RFX2: variants seen among roughly 807,000 people sequenced by gnomAD.
RFX2 encodes regulatory factor X2, also known as DNA-binding protein RFX2.
RFX2 carries 20 observed loss-of-function variants against 87.8 expected under a neutral mutation model. The observed-to-expected ratio is 0.23, with a 90% confidence interval of 0.16 to 0.33. RFX2 has a LOEUF of 0.33. Among genes scored for constraint, RFX2 ranks in the 10% least tolerant of loss-of-function variants. The probability of loss-of-function intolerance (pLI) is 1.00; values close to 1 mark genes in which losing one functional copy is unlikely to be tolerated. For synonymous variants in RFX2, 397 were observed against 431.3 expected, an observed-to-expected ratio of 0.92 and a Z score of 0.98; for missense variants, 767 against 1,012.3, an observed-to-expected ratio of 0.76 and a Z score of 3.29.
Position 5,997,266 on chromosome 19 carries a change from G to A in RFX2, c.1860-53C>T, listed in dbSNP as rs541592870. 1.3e-6 allele frequency: 2 copies of A among 1,545,622 alleles called. No homozygotes were observed. Among genetic ancestry groups the A allele is most frequent in the South Asian group, 2.4e-5 (2 of 84,914 alleles). ...ACCCTCAGGGGAGCATGGAACCCGG[G>A]CCCCAGGCCAGACTTCATGGCAGCA... On this transcript the variant is annotated intron_variant, in intron 15 of 17. Transcript: ENST00000303657. This position sits in a 1 kb window ranked among gnomAD's most constrained non-coding sequence, Gnocchi z 4.2.
chr19:6,008,304 G>C (rs2086614270), intron 9 of RFX2, 80 bp from the exon 10 acceptor site: 1 of 786,776 alleles, frequency 1.3e-6, no homozygotes, highest in Non-Finnish European at 2.0e-6. Context: ...CGGTGGATGG[G>C]GGCCCAGAAA....
chr19:6,006,991 G>C (rs1201273348), intron 12 of RFX2, 21 bp downstream of exon 12: 1 of 1,612,640 alleles, frequency 6.2e-7, no homozygotes, highest in South Asian at 1.1e-5. Context: ...GCAGCGCCGG[G>C]CGGGGCCGTG....
chr19:6,013,005 G>A lies in RFX2; in HGVS notation c.880C>T (p.Pro294Ser). The A allele has an allele frequency of 6.4e-7, 1 of 1,574,556 alleles. No individual in the cohort carries two copies. Among genetic ancestry groups the A allele is most frequent in the South Asian group, 1.2e-5 (1 of 85,864 alleles). The change falls in exon 8 of 18, where the codon CCC becomes TCC. Residue 294 changes from proline to serine, a missense_variant. By Grantham distance (74) the Pro-to-Ser change is moderately conservative. Transcript: ENST00000303657. This position sits in a 1 kb window ranked among gnomAD's most constrained non-coding sequence, Gnocchi z 4.1. The part of the protein sequence containing the change: ...DTQYMAMRQQ[P>S]MHQKPRYRPA... ...ACCCACCTGGGCTTCTGGTGCATGG[G>A]CTGCTGCCGCATGGCCATGTACTGC...
chr19:6,029,134 C>T (rs1003786933), intron 5 of RFX2, among the ~76,000 whole-genome samples: 4 of 149,478 alleles, frequency 2.7e-5, no homozygotes, highest in Non-Finnish European at 4.4e-5. Flanking sequence ...ATGAAACAAA[C>T]GATCAACAAC....
At chr19:5,996,231 A>C (rs2086405015) in intron 16 of RFX2, among the ~76,000 whole-genome samples, 1 of 43,760 alleles carries the variant, frequency 2.3e-5, no homozygotes, top group Non-Finnish European at 4.6e-5. Context: ...GTGGACCCCG[A>C]AGAACTGAAC....
intron 1 of RFX2, among the ~76,000 whole-genome samples, chr19:6,104,961 TACA>T (rs2088190711): frequency 6.6e-6 from 1 of 151,496 alleles, no homozygotes; most frequent in African/African-American, 2.4e-5. Context: ...CTACTAAAAA[TACA>T]ACAATTAGCT....
rs1335713972 is a variant in RFX2 at position 6,040,017 on chromosome 19, T to C, written c.485A>G (p.His162Arg). 1 of 1,601,008 alleles carries C rather than the reference T, an allele frequency of 6.2e-7. No homozygotes were observed. ...TGAGCGGGAGGTGTGGGCCAGGGAG[T>C]GTCTGGTGCTGTCCATCCCCCCGTG... ...LIHGGMDSTRHSLAHTSRSSP... is the reference protein window; with the variant it reads ...LIHGGMDSTRRSLAHTSRSSP... Residue 162 changes from histidine (H) to arginine (R), a missense_variant, in exon 5 of 18, where the codon CAC becomes CGC. By Grantham distance (29) the His-to-Arg change is conservative (BLOSUM62 0). This residue lies in a region of RFX2 where 621 missense variants were observed against 873.0 expected (regional missense o/e 0.71). Transcript: ENST00000303657. This position sits in a 1 kb window ranked among gnomAD's most constrained non-coding sequence, Gnocchi z 6.1.
chr19:6,015,305 G>A (rs575186817), intron 7 of RFX2, among the ~76,000 whole-genome samples: 7 of 151,836 alleles, frequency 4.6e-5, no homozygotes, highest in African/African-American at 1.4e-4. Context: ...GTGGGGGCCC[G>A]TAAATCCCAG....
intron 9 of RFX2, among the ~76,000 whole-genome samples, chr19:6,008,750 T>A (rs2086623379): frequency 6.6e-6 from 1 of 150,694 alleles, no homozygotes; most frequent in Non-Finnish European, 1.5e-5. Flanking sequence ...CGATCTTGGC[T>A]TACTGCAACC....
At position 6,067,750 on chromosome 19, in the gene RFX2, A is replaced by C. The variant is rs543274986; in HGVS notation, c.-8-20246T>G. On this transcript the variant is annotated intron_variant, in intron 1 of 17. Transcript: ENST00000303657. ...TTGGTGGGCCCAGCCAAGGATCTTAAAACATTTTGATAGAATGAGCAACAT... is the reference window on the plus strand; with the variant it reads ...TTGGTGGGCCCAGCCAAGGATCTTACAACATTTTGATAGAATGAGCAACAT... Among the ~76,000 whole-genome samples, 6 of 152,302 alleles carry C rather than the reference A, an allele frequency of 3.9e-5. No individual in the cohort carries two copies. In the East Asian group the frequency reaches 1.2e-3, roughly 29 times the overall value.
rs2086886892 is a variant in RFX2, at chr19:6,026,212, T to C, written c.548A>G (p.Gln183Arg). 4 of 1,613,924 alleles carry C rather than the reference T, an allele frequency of 2.5e-6. No homozygotes were observed. The highest frequency in any genetic ancestry group is 3.4e-6 in the Non-Finnish European group (4 of 1,179,984). ...ATLEMAIENLQKSEGITSHKS... is the reference protein window; with the variant it reads ...ATLEMAIENLRKSEGITSHKS... ...GTGTGATGTGATTCCTTCGCTTTTTTGGAGGTTTTCAATCGCCATTTCAAG... is the reference window on the plus strand; with the variant it reads ...GTGTGATGTGATTCCTTCGCTTTTTCGGAGGTTTTCAATCGCCATTTCAAG... The change falls in exon 6 of 18, where the codon CAA becomes CGA. Residue 183 changes from glutamine (Q) to arginine (R), a missense_variant. Transcript: ENST00000303657. This position sits in a 1 kb window ranked among gnomAD's most constrained non-coding sequence, Gnocchi z 4.5.
Position 6,007,962 on chromosome 19 carries a change from G to A in RFX2, c.1134+144C>T, listed in dbSNP as rs751672693. 8 of 788,918 alleles carry A rather than the reference G, an allele frequency of 1.0e-5. No homozygotes were observed. Among genetic ancestry groups the A allele is most frequent in the Admixed American group, 6.1e-5 (3 of 49,126 alleles). The allele number at this position is 788,918 out of a possible 1,614,324, so 48.9% of individuals were successfully genotyped here. Reference sequence around the variant, plus strand: ...AGGAGCAGGCGATGGACATGGATGCGGAGGGGCTGCTGCTTCAGAGAGGAT... The same window carrying A: ...AGGAGCAGGCGATGGACATGGATGCAGAGGGGCTGCTGCTTCAGAGAGGAT... On this transcript the variant is annotated intron_variant, in intron 10 of 17. Coordinates refer to ENST00000303657, the MANE Select transcript of RFX2 (RefSeq NM_000635.4). This position sits in a 1 kb window ranked among gnomAD's most constrained non-coding sequence, Gnocchi z 8.2.
At chr19:6,090,588 C>T (rs545103219) in intron 1 of RFX2, among the ~76,000 whole-genome samples, 1 of 152,186 alleles carries the variant, frequency 6.6e-6, no homozygotes, top group Admixed American at 6.5e-5. Flanking sequence ...TCACTCCCTG[C>T]CGGTGGGACT....
At chr19:6,009,104 A>G (rs1170679627) in intron 9 of RFX2, among the ~76,000 whole-genome samples, 1 of 152,196 alleles carries the variant, frequency 6.6e-6, no homozygotes, top group Non-Finnish European at 1.5e-5. Context: ...GCACACAGCA[A>G]GTACCCACAG....
In RFX2 at chr19:6,010,125, G is replaced by A. The variant is rs754620194; in HGVS notation, c.1015+11C>T. ...GGGAGCCCCGCCCCCGGGCCTGACC[G>A]GGCCTCTCACCTATGTACTGCTGGT... On this transcript the variant is annotated intron_variant, in intron 9 of 17. Transcript: ENST00000303657. This position sits in a 1 kb window ranked among gnomAD's most constrained non-coding sequence, Gnocchi z 5.0. The A allele has an allele frequency of 9.2e-6, 14 of 1,520,058 alleles. No individual in the cohort carries two copies. The highest frequency in any genetic ancestry group is 2.4e-5 in the South Asian group (2 of 83,348). The allele number at this position is 1,520,058 out of a possible 1,614,324, so 94.2% of individuals were successfully genotyped here.
intron 1 of RFX2, among the ~76,000 whole-genome samples, chr19:6,103,947 T>G (rs1469702937): frequency 6.6e-6 from 1 of 152,220 alleles, no homozygotes; most frequent in Non-Finnish European, 1.5e-5. Context: ...CAGTTACTTT[T>G]TTCTGAGCAC....
At chr19:6,089,261 A>T (rs995707944) in intron 1 of RFX2, among the ~76,000 whole-genome samples, 7 of 152,250 alleles carry the variant, frequency 4.6e-5, no homozygotes, top group African/African-American at 1.7e-4. Flanking sequence ...TGCGTCCAGC[A>T]GGTCAGGGAC....
At position 6,056,372 on chromosome 19, in the gene RFX2, C is replaced by T. The variant is rs2087341468; in HGVS notation, c.-8-8868G>A. 6.6e-6 allele frequency among the ~76,000 whole-genome samples: 1 copy of T among 152,120 alleles called. No individual in the cohort carries two copies. The highest frequency in any genetic ancestry group is 1.5e-5 in the Non-Finnish European group (1 of 68,012). On this transcript the variant is annotated intron_variant, in intron 1 of 17. Coordinates refer to ENST00000303657, the MANE Select transcript of RFX2 (RefSeq NM_000635.4). This position sits in a 1 kb window ranked among gnomAD's most constrained non-coding sequence, Gnocchi z 4.6. ...TTTCCATGATAAGGAGTTAAACAAACACACACACAAGACACCAGCGATGAG... is the reference window on the plus strand; with the variant it reads ...TTTCCATGATAAGGAGTTAAACAAATACACACACAAGACACCAGCGATGAG...
chr19:6,109,136 A>G (rs2088267515), intron 1 of RFX2, among the ~76,000 whole-genome samples: 2 of 151,298 alleles, frequency 1.3e-5, no homozygotes, highest in Admixed American at 1.3e-4. Context: ...AAATGCCTGG[A>G]GCAGTTTAGG....
Sources: gnomAD v4.1 joint callset for allele counts (sites outside exome capture counted in the v4.1 genomes callset) on GRCh38, gnomAD v4.1.1 for gene constraint, gnomAD v4.1.1 regional missense constraint, Gnocchi (gnomAD v3.1) non-coding constraint, MANE v1.5 for transcripts, NCBI Gene and HGNC (gene_info 2026-07-23, HGNC 2026-07-21) for gene names.